Variants in DEFB119 observed in about 807,000 individuals in gnomAD.
DEFB119 encodes the protein defensin beta 119.
A neutral mutation model predicts 2.5 loss-of-function variants in DEFB119; 3 were observed. The ratio of observed to expected loss-of-function variants is 1.19; its 90% CI spans 0.54 to 3.07. The LOEUF (loss-of-function observed/expected upper bound fraction) is 3.07, where lower values mean the gene tolerates loss of function less well. Among genes scored for constraint, DEFB119 ranks in the 30% most tolerant of loss-of-function variants. The pLI is 0.03. For synonymous variants in DEFB119, 29 were observed against 33.7 expected, an observed-to-expected ratio of 0.86 and a Z score of 0.48; for missense variants, 113 against 101.1, an observed-to-expected ratio of 1.12 and a Z score of -0.50.
Position 31,389,432 on chromosome 20 carries a change from C to T in DEFB119, c.61+991G>A, listed in dbSNP as rs1444352389. On this transcript the variant is annotated intron_variant, in intron 1 of 1. Transcript: ENST00000376321. Reference sequence around the variant, plus strand: ...AGACAATGGTTCCAACTGAGAGCTCCGAAGTTTTTGGGAGAGCCTTTTTTG... The same window carrying T: ...AGACAATGGTTCCAACTGAGAGCTCTGAAGTTTTTGGGAGAGCCTTTTTTG... Among the ~76,000 whole-genome samples the T allele has an allele frequency of 4.6e-5, 7 of 152,166 alleles. No homozygotes were observed. In the East Asian group the frequency reaches 9.7e-4, roughly 21 times the overall value.
At chr20:31,389,684 C>A (rs929595008) in intron 1 of DEFB119, among the ~76,000 whole-genome samples, 1 of 152,056 alleles carries the variant, frequency 6.6e-6, no homozygotes, top group Non-Finnish European at 1.5e-5. Flanking sequence ...CAGCTCCAGC[C>A]GCATCCCAAT....
chr20:31,377,210 G>C lies in DEFB119; in HGVS notation c.*36C>G. 6.4e-7 allele frequency: 1 copy of C among 1,566,492 alleles called. No individual in the cohort carries two copies. The highest frequency in any genetic ancestry group is 8.7e-7 in the Non-Finnish European group (1 of 1,155,744). On this transcript the variant is annotated 3_prime_UTR_variant, in exon 2 of 2. Transcript: ENST00000376321. ...TGAGGGGGGTTGACAGCAGGTCTCT[G>C]TGCCCAGAGAGCTTGAGAATGGTAA...
At chr20:31,377,931 G>C (rs1167131592) in intron 1 of DEFB119, among the ~76,000 whole-genome samples, 1 of 152,182 alleles carries the variant, frequency 6.6e-6, no homozygotes, top group Non-Finnish European at 1.5e-5. Context: ...AAAAACCAAA[G>C]ACAAAACTAC....
At position 31,377,375 on chromosome 20, in the gene DEFB119, G is replaced by C; in HGVS notation, c.126C>G (p.Asn42Lys). ...TTCTGCAATAGAGGTAGGGCTGTTC[G>C]TTCTTTTTGCAAGAGGCCCTACAAA... ...SGICRASCKK[N>K]EQPYLYCRNC... The change falls in exon 2 of 2, where the codon AAC becomes AAG. Residue 42 changes from asparagine to lysine, a missense_variant. By Grantham distance (94) the Asn-to-Lys change is moderately conservative. Transcript: ENST00000376321. 1 of 1,614,010 alleles carries C rather than the reference G, an allele frequency of 6.2e-7. No individual in the cohort carries two copies. The highest frequency in any genetic ancestry group is 8.5e-7 in the Non-Finnish European group (1 of 1,179,952).
At chr20:31,378,678 G>C (rs1486224343) in intron 1 of DEFB119, among the ~76,000 whole-genome samples, 1 of 152,036 alleles carries the variant, frequency 6.6e-6, no homozygotes, top group East Asian at 1.9e-4. Context: ...GTTGTTTCCA[G>C]GTCTATTAGG....
intron 1 of DEFB119, chr20:31,388,081 G>A (rs976178689): frequency 5.1e-6 from 5 of 985,212 alleles, no homozygotes; most frequent in Admixed American, 1.2e-4. Context: ...GGTTAAATGG[G>A]GCCCAGAGAA....
intron 1 of DEFB119, among the ~76,000 whole-genome samples, chr20:31,383,834 C>T (rs1301374350): frequency 6.6e-6 from 1 of 151,718 alleles, no homozygotes; most frequent in Non-Finnish European, 1.5e-5. Flanking sequence ...CAGAGCAAGA[C>T]TCTGTCTCAA....
At chr20:31,388,658 C>CAA (rs1453246052) in intron 1 of DEFB119, among the ~76,000 whole-genome samples, 48 of 152,238 alleles carry the variant, frequency 3.2e-4, no homozygotes, top group Non-Finnish European at 5.4e-4. Flanking sequence ...TATTCAGCCC[C>CAA]ATCCACTCTC....
chr20:31,389,560 G>A (rs1213838865), intron 1 of DEFB119, among the ~76,000 whole-genome samples: 1 of 152,002 alleles, frequency 6.6e-6, no homozygotes, highest in Non-Finnish European at 1.5e-5. Flanking sequence ...AGGGATGAAG[G>A]GAAAAGGACA....
chr20:31,379,153 G>T (rs969248628), intron 1 of DEFB119, among the ~76,000 whole-genome samples: 1 of 152,006 alleles, frequency 6.6e-6, no homozygotes, highest in Non-Finnish European at 1.5e-5. Flanking sequence ...GGCCAGGCTG[G>T]TCTCAAACTC....
At chr20:31,383,187 T>A (rs1227534610) in intron 1 of DEFB119, among the ~76,000 whole-genome samples, 2 of 152,212 alleles carry the variant, frequency 1.3e-5, no homozygotes, top group Admixed American at 1.3e-4. Context: ...AGGGACCCAG[T>A]GGGAGGTAAT....
At chr20:31,388,678 A>G (rs1338042324) in intron 1 of DEFB119, among the ~76,000 whole-genome samples, 6 of 151,866 alleles carry the variant, frequency 4.0e-5, no homozygotes, top group African/African-American at 1.5e-4. Context: ...CAGCCCATTC[A>G]CTCTCAAGAT....
At chr20:31,378,287 C>T in intron 1 of DEFB119, 1 of 1,611,722 alleles carries the variant, frequency 6.2e-7, no homozygotes, top group Admixed American at 1.7e-5. Context: ...ACACGGGGAA[C>T]AGAACATCCC....
At position 31,377,391 on chromosome 20, in the gene DEFB119, G is replaced by A; in HGVS notation, c.110C>T (p.Ala37Val). ...RCMGNSGICRASCKKNEQPYL... is the reference protein window; with the variant it reads ...RCMGNSGICRVSCKKNEQPYL... ...GGGCTGTTCGTTCTTTTTGCAAGAG[G>A]CCCTACAAATTCCACTGTTACCCAT... Residue 37 changes from alanine to valine, a missense_variant, in exon 2 of 2, where the codon GCC becomes GTC. Ala to Val is a moderately conservative substitution (Grantham distance 64). Coordinates refer to ENST00000376321, the MANE Select transcript of DEFB119 (RefSeq NM_153289.4). 1 of 1,613,868 alleles carries A rather than the reference G, an allele frequency of 6.2e-7. No individual in the cohort carries two copies.
intron 1 of DEFB119, among the ~76,000 whole-genome samples, chr20:31,387,051 C>A (rs148227176): frequency 1.3e-5 from 2 of 152,088 alleles, no homozygotes; most frequent in African/African-American, 2.4e-5. Flanking sequence ...TGGTGATCCA[C>A]CTGCCTCGGC....
At position 31,377,425 on chromosome 20, in the gene DEFB119, G is replaced by A. The variant is rs6141831; in HGVS notation, c.76C>T (p.Leu26Phe). The change falls in exon 2 of 2, where the codon CTT becomes TTT. Residue 26 changes from leucine to phenylalanine, a missense_variant. Leu to Phe is a conservative substitution (Grantham distance 22). Transcript: ENST00000376321. ...ATTCCACTGTTACCCATGCATCGAA[G>A]GATGTGGCGTTTGCCTGCCAAAGGA... ...EPVISGKRHI[L>F]RCMGNSGICR... 5 of 1,611,114 alleles carry A rather than the reference G, an allele frequency of 3.1e-6. No individual in the cohort carries two copies. Among genetic ancestry groups the A allele is most frequent in the Non-Finnish European group, 4.2e-6 (5 of 1,178,778 alleles).
chr20:31,382,517 A>G (rs1490426885), intron 1 of DEFB119, among the ~76,000 whole-genome samples: 1 of 152,208 alleles, frequency 6.6e-6, no homozygotes, highest in Non-Finnish European at 1.5e-5. Flanking sequence ...ATGAATGTTA[A>G]TTATTATTGT....
chr20:31,384,096 A>G (rs997819527), intron 1 of DEFB119, among the ~76,000 whole-genome samples: 1 of 152,196 alleles, frequency 6.6e-6, no homozygotes, highest in Non-Finnish European at 1.5e-5. Context: ...ATAGATAAGG[A>G]TACATTTAGA....
At chr20:31,379,251 A>G (rs1986417864) in intron 1 of DEFB119, among the ~76,000 whole-genome samples, 1 of 152,168 alleles carries the variant, frequency 6.6e-6, no homozygotes, top group African/African-American at 2.4e-5. Flanking sequence ...GGAAGGCATT[A>G]AAAGACAAAA....
Sources: allele counts gnomAD v4.1 joint callset (sites outside exome capture counted in the v4.1 genomes callset), GRCh38; gene constraint gnomAD v4.1.1; transcripts MANE v1.5; gene names NCBI Gene and HGNC (gene_info 2026-07-23, HGNC 2026-07-21).